Variants in DDR2 observed in about 807,000 individuals in gnomAD.
The protein encoded by DDR2 is discoidin domain-containing receptor 2.
In DDR2, 27 loss-of-function variants were observed where a neutral mutation model predicts 94.9. The observed-to-expected ratio is 0.28, with a 90% CI of 0.21 to 0.39. The LOEUF (loss-of-function observed/expected upper bound fraction) is 0.39. DDR2 is among the 10% of genes least tolerant of loss of function. The pLI is 1.00. For synonymous variants in DDR2, 382 were observed against 377.2 expected (o/e 1.01, Z -0.15); for missense variants, 783 against 1,076.0 (o/e 0.73, Z 3.81).
intron 3 of DDR2, among the ~76,000 whole-genome samples, chr1:162,747,010 A>T (rs1662906341): frequency 6.6e-6 from 1 of 152,194 alleles, no homozygotes; most frequent in Non-Finnish European, 1.5e-5. Flanking sequence ...CCCCATCTGT[A>T]GGTCACCATC....
rs146750884 is a variant in DDR2, at chr1:162,766,259, T to C, written c.1162+196T>C. ...ATATACTCTCTTCACTATGGATTCA[T>C]GTGCTTCTTCAGCTGAGGCAGAGTC... is the stretch of plus-strand genomic sequence containing the variant. On this transcript the variant is annotated intron_variant, in intron 10 of 17. Coordinates refer to ENST00000367921, the MANE Select transcript of DDR2 (RefSeq NM_006182.4). 5.9e-4 allele frequency among the ~76,000 whole-genome samples: 90 copies of C among 152,326 alleles called. 1 individual carries two copies. The highest frequency in any genetic ancestry group is 2.0e-3 in the African/African-American group (83 of 41,584).
At chr1:162,660,136 C>G (rs778936470) in intron 2 of DDR2, among the ~76,000 whole-genome samples, 4 of 152,146 alleles carry the variant, frequency 2.6e-5, no homozygotes, top group African/African-American at 7.2e-5. Context: ...TTTGGAGTCT[C>G]TCTTCTAGAC....
chr1:162,768,060 C>G (rs970391980), intron 11 of DDR2, among the ~76,000 whole-genome samples: 4 of 152,124 alleles, frequency 2.6e-5, no homozygotes, highest in African/African-American at 9.7e-5. Flanking sequence ...AACTCATAGG[C>G]ATTGTTATGT....
chr1:162,761,512 C>T, intron 9 of DDR2, 58 bp downstream of exon 9: 1 of 1,613,070 alleles, frequency 6.2e-7, no homozygotes, highest in Non-Finnish European at 8.5e-7. Flanking sequence ...GAGGAATGCA[C>T]ATGCCCAGAA....
At position 162,639,546 on chromosome 1, in the gene DDR2, A is replaced by C. The variant is rs145875030; in HGVS notation, c.-192+6915A>C. Among the ~76,000 whole-genome samples, 231 of 152,320 alleles carry C rather than the reference A, an allele frequency of 1.5e-3. 4 individuals are homozygous for C. Among genetic ancestry groups the C allele is most frequent in the African/African-American group, 5.2e-3 (216 of 41,570 alleles). The stretch of plus-strand genomic sequence containing the variant: ...AACAATGAAACTCATAGAAAATAAC[A>C]TAGGAAAAAATCTCAGTAATCTTGG... On this transcript the variant is annotated intron_variant, in intron 1 of 17. Coordinates refer to ENST00000367921, the MANE Select transcript of DDR2 (RefSeq NM_006182.4).
Position 162,746,168 on chromosome 1 carries a change from G to A in DDR2, c.83-6927G>A, listed in dbSNP as rs149778954. Among the ~76,000 whole-genome samples the A allele has an allele frequency of 9.5e-3, 1,442 of 152,244 alleles. 22 individuals carry two copies. Among genetic ancestry groups the A allele is most frequent in the African/African-American group, 0.033 (1,377 of 41,532 alleles). On this transcript the variant is annotated intron_variant, in intron 3 of 17. Transcript: ENST00000367921. ...CAGAGTGTGAGCTGAAGCAGGGTGG[G>A]GCATCGCCTCACCCAGGAAGTGCAA...
chr1:162,779,995 C>T (rs2102210353), intron 17 of DDR2, 117 bp from the exon 18 acceptor site: 1 of 1,487,440 alleles, frequency 6.7e-7, no homozygotes, highest in South Asian at 1.1e-5. Context: ...TTATCAAGTT[C>T]AAGAAAGTGG....
rs73026583 is a variant in DDR2 at position 162,779,461 on chromosome 1, G to A, written c.2434-651G>A. Among the ~76,000 whole-genome samples, 327 of 152,296 alleles carry A rather than the reference G, an allele frequency of 2.1e-3. 1 individual carries two copies. Among genetic ancestry groups the A allele is most frequent in the African/African-American group, 7.7e-3 (319 of 41,576 alleles). On this transcript the variant is annotated intron_variant, in intron 17 of 17. Coordinates refer to ENST00000367921, the MANE Select transcript of DDR2 (RefSeq NM_006182.4). ...ACCAGGAAAAGGATAATAGCTGGGG[G>A]AAGGATCTTGCAGACAATAAAAAGT...
intron 3 of DDR2, among the ~76,000 whole-genome samples, chr1:162,737,480 ACATGAACT>A (rs1264761339): frequency 7.3e-6 from 1 of 136,204 alleles, no homozygotes; most frequent in East Asian, 2.1e-4. Flanking sequence ...CCTACAAAGG[ACATGAACT>A]CATCATTTTT....
At chr1:162,650,297 A>C (rs529604652) in intron 1 of DDR2, among the ~76,000 whole-genome samples, 1 of 151,766 alleles carries the variant, frequency 6.6e-6, no homozygotes, top group African/African-American at 2.4e-5. Context: ...GTTAAAAAAA[A>C]AATAATAATA....
rs1308652989 is a variant in DDR2, at chr1:162,775,730, C to T, written c.1935C>T (p.Ile645=). ...PNIIHLLAVC[I]TDDPLCMITE... is the part of the protein sequence containing the mutation. ...TCATCCATCTATTAGCTGTGTGTAT[C>T]ACTGATGACCCTCTCTGTATGATCA... is the stretch of plus-strand genomic sequence containing the variant. The change falls in exon 15 of 18, where the codon ATC becomes ATT. Residue 645 remains isoleucine, a synonymous_variant. Coordinates refer to ENST00000367921, the MANE Select transcript of DDR2 (RefSeq NM_006182.4). 3.7e-6 allele frequency: 6 copies of T among 1,614,142 alleles called. No individual in the cohort carries two copies. The highest frequency in any genetic ancestry group is 5.1e-6 in the Non-Finnish European group (6 of 1,180,004).
intron 7 of DDR2, among the ~76,000 whole-genome samples, chr1:162,759,528 T>G (rs932838734): frequency 6.6e-6 from 1 of 152,204 alleles, no homozygotes; most frequent in Non-Finnish European, 1.5e-5. Context: ...TCATATTAAA[T>G]AAGACATTGT....
intron 3 of DDR2, among the ~76,000 whole-genome samples, chr1:162,721,804 T>C (rs932929757): frequency 7.9e-5 from 12 of 152,308 alleles, no homozygotes; most frequent in South Asian, 2.1e-4. Flanking sequence ...GCAAATCCAA[T>C]ATGCAACCAA....
At position 162,636,565 on chromosome 1, in the gene DDR2, G is replaced by C. The variant is rs113275618; in HGVS notation, c.-192+3934G>C. On this transcript the variant is annotated intron_variant, in intron 1 of 17. Transcript: ENST00000367921. ...AGGGCATGTGATAAATAGAACTTCA[G>C]ATGCGTGATGTAGTGAAAAGAACAT... Among the ~76,000 whole-genome samples, 791 of 152,306 alleles carry C rather than the reference G, an allele frequency of 5.2e-3. 4 individuals are homozygous for C. Among genetic ancestry groups the C allele is most frequent in the Non-Finnish European group, 8.4e-3 (572 of 68,024 alleles).
At chr1:162,776,582 G>A (rs1387547005) in intron 16 of DDR2, among the ~76,000 whole-genome samples, 1 of 152,176 alleles carries the variant, frequency 6.6e-6, no homozygotes. Flanking sequence ...AATTTAGGGA[G>A]AGAAGTTAAA....
chr1:162,762,283 C>T (rs1263650154), intron 9 of DDR2, among the ~76,000 whole-genome samples: 2 of 152,136 alleles, frequency 1.3e-5, no homozygotes, highest in Non-Finnish European at 2.9e-5. Context: ...TCTGTCATTC[C>T]TAATGACTGG....
chr1:162,699,149 G>A (rs1300208960), intron 2 of DDR2, among the ~76,000 whole-genome samples: 1 of 152,202 alleles, frequency 6.6e-6, no homozygotes, highest in Non-Finnish European at 1.5e-5. Context: ...CTGTGAATGT[G>A]GGGAGAGGGC....
Position 162,780,462 on chromosome 1 carries a change from A to G in DDR2, c.*216A>G. 1 of 614,884 alleles carries G rather than the reference A, an allele frequency of 1.6e-6. No homozygotes were observed. The highest frequency in any genetic ancestry group is 2.7e-6 in the Non-Finnish European group (1 of 367,424). The allele number at this position is 614,884 out of a possible 1,614,324, so 38.1% of individuals were successfully genotyped here. On this transcript the variant is annotated 3_prime_UTR_variant, in exon 18 of 18. Coordinates refer to ENST00000367921, the MANE Select transcript of DDR2 (RefSeq NM_006182.4). ...ATTAAAGAACTAAAAAAGGAAAAAA[A>G]AAAGCCTAGGGCAGATACAATCTAG... is the stretch of plus-strand genomic sequence containing the variant.
chr1:162,718,871 C>T (rs1198288947), intron 2 of DDR2, among the ~76,000 whole-genome samples, 166 bp from the exon 3 acceptor site: 1 of 152,110 alleles, frequency 6.6e-6, no homozygotes, highest in Non-Finnish European at 1.5e-5. Flanking sequence ...ATTGGATGTG[C>T]CATTCAACTC....
Sources: allele counts gnomAD v4.1 joint callset (sites outside exome capture counted in the v4.1 genomes callset), GRCh38; gene constraint gnomAD v4.1.1; transcripts MANE v1.5; gene names NCBI Gene and HGNC (gene_info 2026-07-23, HGNC 2026-07-21).